Variants in MAP4 observed in about 807,000 individuals in gnomAD.
MAP4 encodes the protein microtubule associated protein 4, also known as microtubule-associated protein 4.
Under a neutral mutation model 170.2 loss-of-function variants are expected in MAP4, and 76 were observed. The observed-to-expected ratio is 0.45, with a 90% CI of 0.37 to 0.54. The LOEUF is 0.54. Among genes scored for constraint, MAP4 ranks in the 20% least tolerant of loss-of-function variants. The probability of loss-of-function intolerance (pLI) is 0.00; values close to 1 mark genes in which losing one functional copy is unlikely to be tolerated. For missense variants in MAP4, 2,506 were observed against 2,748.0 expected, an observed-to-expected ratio of 0.91 and a Z score of 1.97; for synonymous variants, 909 against 994.5, an observed-to-expected ratio of 0.91 and a Z score of 1.62.
chr3:47,973,328 C>G (rs2100079925), intron 3 of MAP4: 3 of 985,248 alleles, frequency 3.0e-6, no homozygotes, highest in Non-Finnish European at 3.6e-6. Context: ...AACAAAGCAG[C>G]CCTGACCAGT....
chr3:47,879,493 T>G (rs1420126103), intron 10 of MAP4, among the ~76,000 whole-genome samples: 6 of 152,164 alleles, frequency 3.9e-5, no homozygotes, highest in Admixed American at 3.9e-4. Flanking sequence ...GGTCCCTGTG[T>G]ACCCTTTTAC....
rs544025993 is a variant in MAP4 at position 47,932,592 on chromosome 3, C to CT, written c.293-4243dup. Among the ~76,000 whole-genome samples, 87 of 152,202 alleles carry CT rather than the reference C, an allele frequency of 5.7e-4. 1 individual carries two copies. Among genetic ancestry groups the CT allele is most frequent in the Non-Finnish European group, 1.1e-3 (72 of 67,980 alleles). On this transcript the variant is annotated intron_variant, in intron 3 of 20. Transcript: ENST00000683076. ...CACATCTTCACCAACATGTTGTTAT[C>CT]TTTTTTTATCGTAGTCACCCTAGAT...
At chr3:47,921,911 T>C (rs371915997) in intron 4 of MAP4, 33 bp from the exon 5 acceptor site, 17 of 897,594 alleles carry the variant, frequency 1.9e-5, no homozygotes, top group African/African-American at 9.9e-5. Context: ...AACTCATTCC[T>C]GGTGAATGCA....
At chr3:47,891,361 C>T (rs763010159) in intron 10 of MAP4, 113 of 1,535,952 alleles carry the variant, frequency 7.4e-5, no homozygotes, top group Non-Finnish European at 2.7e-5. Flanking sequence ...CTTTAGTAGA[C>T]AAGATGGGCA....
At chr3:48,063,099 C>A (rs1180617758) in intron 1 of MAP4, among the ~76,000 whole-genome samples, 1 of 150,544 alleles carries the variant, frequency 6.6e-6, no homozygotes, top group Non-Finnish European at 1.5e-5. Context: ...TTCTGACAAC[C>A]GTGGTTAAAA....
intron 10 of MAP4, chr3:47,892,751 A>T: frequency 1.5e-6 from 2 of 1,296,148 alleles, no homozygotes; most frequent in Non-Finnish European, 2.0e-6. Flanking sequence ...TGCTACTTTA[A>T]TCTGAGAATG....
At chr3:47,927,987 T>G (rs1211161918) in intron 4 of MAP4, among the ~76,000 whole-genome samples, 1 of 152,206 alleles carries the variant, frequency 6.6e-6, no homozygotes, top group Non-Finnish European at 1.5e-5. Flanking sequence ...TCCTCTAATC[T>G]TCAGTGTATA....
intron 1 of MAP4, among the ~76,000 whole-genome samples, chr3:48,029,298 C>T (rs759152747): frequency 3.2e-4 from 49 of 151,720 alleles, no homozygotes; most frequent in Non-Finnish European, 5.3e-4. Context: ...ATTAGCCAGG[C>T]GTGGTGGTGC....
intron 1 of MAP4, among the ~76,000 whole-genome samples, chr3:48,084,743 G>A (rs2100148245): frequency 6.6e-6 from 1 of 151,832 alleles, no homozygotes; most frequent in Non-Finnish European, 1.5e-5. Flanking sequence ...ACCTAGCTAA[G>A]TTTGTTGTTG....
chr3:48,066,887 C>A (rs1417365617), intron 1 of MAP4, among the ~76,000 whole-genome samples: 2 of 116,192 alleles, frequency 1.7e-5, no homozygotes, highest in Non-Finnish European at 3.2e-5. Flanking sequence ...GTCGCCCAGG[C>A]TGGAGAGCAG....
chr3:47,924,061 T>C (rs2100044467), intron 4 of MAP4, among the ~76,000 whole-genome samples: 1 of 152,326 alleles, frequency 6.6e-6, no homozygotes, highest in Non-Finnish European at 1.5e-5. Flanking sequence ...AAATAGATGA[T>C]TCTTACAGAG....
chr3:47,853,391 C>T (rs1367707497), intron 19 of MAP4, 39 bp from the exon 20 acceptor site: 23 of 1,411,910 alleles, frequency 1.6e-5, no homozygotes, highest in South Asian at 3.7e-5. Context: ...CAGGGTCAGT[C>T]GAGGGGGGGA....
At chr3:48,066,919 C>G (rs2100138596) in intron 1 of MAP4, among the ~76,000 whole-genome samples, 1 of 143,730 alleles carries the variant, frequency 7.0e-6, no homozygotes, top group African/African-American at 2.6e-5. Flanking sequence ...CGGCTCACTG[C>G]AAGCTCCGCC....
At chr3:47,982,920 C>CA (rs2100086235) in intron 2 of MAP4, among the ~76,000 whole-genome samples, 1 of 152,138 alleles carries the variant, frequency 6.6e-6, no homozygotes, top group South Asian at 2.1e-4. Context: ...TTGTTTGAGA[C>CA]AGAGTCTAGC....
intron 1 of MAP4, among the ~76,000 whole-genome samples, chr3:48,005,876 G>A (rs995397149): frequency 2.0e-5 from 3 of 152,190 alleles, no homozygotes; most frequent in African/African-American, 4.8e-5. Context: ...ATTGAAATAC[G>A]AGGGGAATAA....
Position 47,909,607 on chromosome 3 carries a change from T to C in MAP4, c.4814A>G (p.His1605Arg). The C allele has an allele frequency of 6.2e-7, 1 of 1,613,574 alleles. No individual in the cohort carries two copies. Among genetic ancestry groups the C allele is most frequent in the Non-Finnish European group, 8.5e-7 (1 of 1,179,882 alleles). ...GYADRGNFPA[H>R]PVNEEKETKE... ...AGTCTCTTTCTCTTCATTCACTGGATGTGCTGGGAAATTACCTCTATCTGC... is the reference window on the plus strand; with the variant it reads ...AGTCTCTTTCTCTTCATTCACTGGACGTGCTGGGAAATTACCTCTATCTGC... Residue 1605 changes from histidine to arginine, a missense_variant, in exon 9 of 21, where the codon CAT becomes CGT. Physicochemically the swap from His to Arg is conservative, Grantham distance 29. Transcript: ENST00000683076.
rs1576590266 is a variant in MAP4 at position 47,855,166 on chromosome 3, T to G, written c.6696+82A>C. ...GAAGAGACTGAGGGGCGGTGACAGGTGCCTACCTGTGAGGACCCTGACCCT... is the reference window on the plus strand; with the variant it reads ...GAAGAGACTGAGGGGCGGTGACAGGGGCCTACCTGTGAGGACCCTGACCCT... On this transcript the variant is annotated intron_variant, in intron 19 of 20. Coordinates refer to ENST00000683076, the MANE Select transcript of MAP4 (RefSeq NM_001385682.1). This position sits in a 1 kb window ranked among gnomAD's most constrained non-coding sequence, Gnocchi z 5.1. 1 of 892,122 alleles carries G rather than the reference T, an allele frequency of 1.1e-6. No homozygotes were observed. The highest frequency in any genetic ancestry group is 1.9e-6 in the Non-Finnish European group (1 of 533,300). The allele number at this position is 892,122 out of a possible 1,614,324, so 55.3% of individuals were successfully genotyped here.
chr3:47,951,766 A>C (rs768009245), intron 3 of MAP4, among the ~76,000 whole-genome samples: 13 of 150,500 alleles, frequency 8.6e-5, no homozygotes, highest in Non-Finnish European at 1.5e-4. Flanking sequence ...TCTGCCCGGC[A>C]GCCACCCCGT....
chr3:48,062,855 C>T (rs1057267681), intron 1 of MAP4, among the ~76,000 whole-genome samples: 1 of 149,582 alleles, frequency 6.7e-6, no homozygotes, highest in African/African-American at 2.5e-5. Flanking sequence ...ACCTGGGAGG[C>T]GGGAGGTTGT....
Sources: allele counts gnomAD v4.1 joint callset (sites outside exome capture counted in the v4.1 genomes callset), GRCh38; gene constraint gnomAD v4.1.1; non-coding constraint Gnocchi (gnomAD v3.1); transcripts MANE v1.5; gene names NCBI Gene and HGNC (gene_info 2026-07-23, HGNC 2026-07-21).